The following DLEU7 variants were observed in gnomAD, a reference collection of about 807,000 sequenced individuals.
DLEU7 encodes deleted in lymphocytic leukemia 7.
A neutral mutation model predicts 16.0 loss-of-function variants in DLEU7; 17 were observed. That is an observed-to-expected ratio of 1.06 (90% CI 0.73 to 1.59). The LOEUF (loss-of-function observed/expected upper bound fraction) is 1.59, where lower values mean the gene tolerates loss of function less well. Ranked by LOEUF, DLEU7 falls within the 40% of genes most tolerant of loss-of-function variation. The pLI is 0.00. For missense variants in DLEU7, 308 were observed against 314.9 expected (o/e 0.98, Z 0.17); for synonymous variants, 113 against 139.8 (o/e 0.81, Z 1.35).
At chr13:50,770,428 T>G (rs1445717536) in intron 1 of DLEU7, among the ~76,000 whole-genome samples, 1 of 152,174 alleles carries the variant, frequency 6.6e-6, no homozygotes, top group Non-Finnish European at 1.5e-5. Context: ...TAGCTCTTAT[T>G]ACTTTGAGAT....
At chr13:50,787,264 T>C (rs1042502009) in intron 1 of DLEU7, among the ~76,000 whole-genome samples, 4 of 152,200 alleles carry the variant, frequency 2.6e-5, no homozygotes, top group Admixed American at 6.5e-5. Flanking sequence ...GGAGGGGATT[T>C]AAAACACAAA....
At chr13:50,841,560 A>G (rs1555295502) in intron 1 of DLEU7, among the ~76,000 whole-genome samples, 1 of 151,870 alleles carries the variant, frequency 6.6e-6, no homozygotes, top group Non-Finnish European at 1.5e-5. Flanking sequence ...TTTTATTCAC[A>G]TTTTTTAAAA....
At position 50,823,351 on chromosome 13, in the gene DLEU7, G is replaced by A; in HGVS notation, c.629C>T (p.Ser210Phe). 6.5e-7 allele frequency: 1 copy of A among 1,535,816 alleles called. No homozygotes were observed. Among genetic ancestry groups the A allele is most frequent in the Non-Finnish European group, 8.7e-7 (1 of 1,146,664 alleles). ...GAGATTCTGTAAGATCTGTCTCAAG[G>A]AAGCACAGGCTACCATGTGGGCATC... ...PSDAHMVACA[S>F]LRQILQNLPD... Residue 210 changes from serine (S) to phenylalanine (F), a missense_variant, in exon 2 of 2, where the codon TCC (serine) becomes TTC (phenylalanine). Coordinates refer to ENST00000504404, the MANE Select transcript of DLEU7 (RefSeq NM_001306135.2).
chr13:50,786,303 G>A (rs1169936629), intron 1 of DLEU7, among the ~76,000 whole-genome samples: 1 of 152,114 alleles, frequency 6.6e-6, no homozygotes, highest in African/African-American at 2.4e-5. Context: ...CTAAAGAAAT[G>A]ACACAGCAAA....
At chr13:50,774,519 T>C (rs1292728617) in intron 1 of DLEU7, among the ~76,000 whole-genome samples, 1 of 152,232 alleles carries the variant, frequency 6.6e-6, no homozygotes, top group African/African-American at 2.4e-5. Flanking sequence ...CTTTCGATGC[T>C]TTTAAGATTT....
At chr13:50,740,091 C>CA (rs1228983607) in intron 1 of DLEU7, among the ~76,000 whole-genome samples, 22 of 152,144 alleles carry the variant, frequency 1.4e-4, no homozygotes, top group Admixed American at 1.3e-4. Context: ...TTCTTTTAAG[C>CA]CTGAAAATGT....
At chr13:50,788,394 C>T (rs1454414619) in intron 1 of DLEU7, among the ~76,000 whole-genome samples, 4 of 152,252 alleles carry the variant, frequency 2.6e-5, no homozygotes, top group East Asian at 1.9e-4. Flanking sequence ...CCCTCCTGTG[C>T]GTGTGTGTGA....
At chr13:50,787,980 C>T (rs1162723818) in intron 1 of DLEU7, among the ~76,000 whole-genome samples, 1 of 152,154 alleles carries the variant, frequency 6.6e-6, no homozygotes. Flanking sequence ...AGCCAGTAGC[C>T]TACATTTCCC....
chr13:50,842,007 T>C (rs1593420693), intron 1 of DLEU7, among the ~76,000 whole-genome samples: 1 of 148,130 alleles, frequency 6.8e-6, no homozygotes, highest in African/African-American at 2.5e-5. Flanking sequence ...CGGCGAGGAA[T>C]ATGCTGCTGG....
At chr13:50,827,719 T>C (rs1877136191) in intron 1 of DLEU7, among the ~76,000 whole-genome samples, 1 of 151,974 alleles carries the variant, frequency 6.6e-6, no homozygotes, top group Non-Finnish European at 1.5e-5. Flanking sequence ...ATTGACCTTA[T>C]GTATATAGAA....
intron 1 of DLEU7, among the ~76,000 whole-genome samples, chr13:50,771,923 A>G (rs1014292964): frequency 6.6e-6 from 1 of 152,038 alleles, no homozygotes; most frequent in Non-Finnish European, 1.5e-5. Context: ...GTCTCTAAGG[A>G]CTTGCTTTAT....
intron 1 of DLEU7, among the ~76,000 whole-genome samples, chr13:50,753,610 C>G (rs993099037): frequency 6.6e-6 from 1 of 152,216 alleles, no homozygotes; most frequent in African/African-American, 2.4e-5. Context: ...GAGTGGAGTC[C>G]CCCGAGCCCA....
At chr13:50,843,788 G>GC (rs1294020544), upstream of DLEU7, 4 of 1,178,452 alleles carry the variant, frequency 3.4e-6, no homozygotes, top group Admixed American at 1.1e-4. This position sits in a 1 kb window ranked among gnomAD's most constrained non-coding sequence, Gnocchi z 5.7. Context: ...GGTCGGCCCC[G>GC]CCCCCGGCTC....
chr13:50,786,080 G>A (rs921508396), intron 1 of DLEU7, among the ~76,000 whole-genome samples: 2 of 152,302 alleles, frequency 1.3e-5, no homozygotes, highest in South Asian at 2.1e-4. Flanking sequence ...GGCAGAAGGA[G>A]ACTTTCGTGT....
chr13:50,813,498 CT>C (rs1185223257), intron 1 of DLEU7, among the ~76,000 whole-genome samples: 1 of 151,962 alleles, frequency 6.6e-6, no homozygotes, highest in African/African-American at 2.4e-5. Context: ...AAATTTCCCT[CT>C]GATTAGATTG....
intron 1 of DLEU7, among the ~76,000 whole-genome samples, chr13:50,781,822 A>G (rs1405784031): frequency 2.0e-5 from 3 of 152,186 alleles, no homozygotes; most frequent in African/African-American, 7.2e-5. Context: ...GAATTGTTTT[A>G]TTTGCAAATA....
At chr13:50,767,181 C>T (rs570375472) in intron 1 of DLEU7, among the ~76,000 whole-genome samples, 3 of 152,258 alleles carry the variant, frequency 2.0e-5, no homozygotes, top group African/African-American at 4.8e-5. Context: ...CGTGGCCGGG[C>T]GCGGTGGCTC....
intron 1 of DLEU7, among the ~76,000 whole-genome samples, chr13:50,781,340 T>A (rs1875644372): frequency 6.6e-6 from 1 of 152,226 alleles, no homozygotes; most frequent in Non-Finnish European, 1.5e-5. Context: ...ATCAGAGAAA[T>A]GCTGTCATCA....
chr13:50,780,148 A>G (rs1272170505), intron 1 of DLEU7, among the ~76,000 whole-genome samples: 4 of 152,186 alleles, frequency 2.6e-5, no homozygotes, highest in Non-Finnish European at 5.9e-5. Context: ...TGGTAGGCTT[A>G]CGAGTACAGC....
Sources: gnomAD v4.1 joint callset for allele counts (sites outside exome capture counted in the v4.1 genomes callset) on GRCh38, gnomAD v4.1.1 for gene constraint, Gnocchi (gnomAD v3.1) non-coding constraint, MANE v1.5 for transcripts, NCBI Gene and HGNC (gene_info 2026-07-23, HGNC 2026-07-21) for gene names.